The following MAP2K1 variants were observed in gnomAD, a reference collection of about 807,000 sequenced individuals.
MAP2K1 encodes the protein dual specificity mitogen-activated protein kinase kinase 1.
Under a neutral mutation model 46.3 loss-of-function variants are expected in MAP2K1, and 16 were observed. That is an observed-to-expected ratio of 0.35 (90% CI 0.23 to 0.52). MAP2K1 has a LOEUF of 0.52. MAP2K1 is among the 20% of genes least tolerant of loss of function. MAP2K1 has a pLI of 0.94. For missense variants in MAP2K1, 263 were observed against 497.1 expected (o/e 0.53, Z 4.48); for synonymous variants, 183 against 185.6 (o/e 0.99, Z 0.11).
intron 2 of MAP2K1, 118 bp from the exon 3 acceptor site, chr15:66,436,628 C>T: frequency 1.0e-6 from 1 of 1,004,214 alleles, no homozygotes; most frequent in Non-Finnish European, 1.6e-6. Flanking sequence ...TTTGTAACAA[C>T]TTAACCTGTT....
intron 5 of MAP2K1, among the ~76,000 whole-genome samples, chr15:66,453,276 G>A (rs1892083307): frequency 6.6e-6 from 1 of 152,048 alleles, no homozygotes; most frequent in Non-Finnish European, 1.5e-5. Flanking sequence ...TTCTTTTTTG[G>A]CTTCACCAAT....
At chr15:66,412,840 A>G (rs938313668) in intron 1 of MAP2K1, among the ~76,000 whole-genome samples, 7 of 151,924 alleles carry the variant, frequency 4.6e-5, no homozygotes, top group Non-Finnish European at 8.8e-5. Flanking sequence ...CTACAGGCGC[A>G]TGCCACTGTG....
intron 1 of MAP2K1, among the ~76,000 whole-genome samples, chr15:66,418,399 G>T (rs890783129): frequency 6.6e-6 from 1 of 152,156 alleles, no homozygotes; most frequent in African/African-American, 2.4e-5. Context: ...CTGATTGATA[G>T]ACCAGCATGG....
rs2093347011 is a variant in MAP2K1 at position 66,388,123 on chromosome 15, C to T, written c.80+696C>T. Among the ~76,000 whole-genome samples the T allele has an allele frequency of 2.6e-5, 4 of 152,272 alleles. No homozygotes were observed. The Middle Eastern group carries it at 0.01, about 388-fold the overall frequency. On this transcript the variant is annotated intron_variant, in intron 1 of 10. Transcript: ENST00000307102. ...AGCTTTCCGTACTTCACCAGGAGCC[C>T]CTAAACTCCTGACCTGAGGCATGAA...
At chr15:66,454,985 G>T (rs1206767381) in intron 5 of MAP2K1, among the ~76,000 whole-genome samples, 1 of 152,186 alleles carries the variant, frequency 6.6e-6, no homozygotes, top group African/African-American at 2.4e-5. Flanking sequence ...GGCTACTCTA[G>T]TTGGGAGGTT....
intron 1 of MAP2K1, among the ~76,000 whole-genome samples, chr15:66,427,100 AAGGAGTATATAC>A (rs2093461219): frequency 6.6e-6 from 1 of 152,234 alleles, no homozygotes; most frequent in African/African-American, 2.4e-5. Flanking sequence ...AAAGTAACTA[AAGGAGTATATAC>A]AGCTAAGGGC....
intron 1 of MAP2K1, among the ~76,000 whole-genome samples, chr15:66,396,024 T>C (rs2093366707): frequency 1.3e-5 from 2 of 152,128 alleles, no homozygotes; most frequent in Admixed American, 1.3e-4. Flanking sequence ...TGTTTTGTTT[T>C]TGGAGATGAG....
intron 1 of MAP2K1, among the ~76,000 whole-genome samples, chr15:66,400,325 C>G (rs1321886687): frequency 6.6e-6 from 1 of 152,138 alleles, no homozygotes; most frequent in African/African-American, 2.4e-5. Context: ...TGCCCAGACA[C>G]TTTCTCTTTT....
intron 1 of MAP2K1, among the ~76,000 whole-genome samples, chr15:66,404,881 G>C (rs1266769468): frequency 6.6e-6 from 1 of 152,174 alleles, no homozygotes; most frequent in Non-Finnish European, 1.5e-5. Flanking sequence ...TCCTGAGCAA[G>C]TTGCTTTTTT....
chr15:66,400,110 A>G (rs1013445250), intron 1 of MAP2K1, among the ~76,000 whole-genome samples: 2 of 152,172 alleles, frequency 1.3e-5, no homozygotes, highest in East Asian at 1.9e-4. Flanking sequence ...CTGATTCGAT[A>G]TATCATTATT....
At chr15:66,464,601 T>G (rs968056668) in intron 5 of MAP2K1, among the ~76,000 whole-genome samples, 11 of 152,062 alleles carry the variant, frequency 7.2e-5, no homozygotes, top group African/African-American at 2.7e-4. Flanking sequence ...CTTGGCTCAC[T>G]GCAACCTCTG....
At chr15:66,446,759 C>T (rs962832548) in intron 5 of MAP2K1, 4 of 331,942 alleles carry the variant, frequency 1.2e-5, no homozygotes, top group Non-Finnish European at 2.5e-5. Flanking sequence ...GCAAAAATGG[C>T]CTTGCACCAC....
chr15:66,447,831 A>G (rs1318380366), intron 5 of MAP2K1, among the ~76,000 whole-genome samples: 1 of 151,998 alleles, frequency 6.6e-6, no homozygotes, highest in East Asian at 1.9e-4. Context: ...AACTTTTTTC[A>G]TCTTACAGAC....
intron 5 of MAP2K1, among the ~76,000 whole-genome samples, chr15:66,462,496 C>CA (rs551065737): frequency 0.27 from 19,498 of 72,630 alleles, 4,093 homozygotes; most frequent in African/African-American, 0.55. Flanking sequence ...GACTCTGTCT[C>CA]AAAAAAAAAA....
intron 1 of MAP2K1, among the ~76,000 whole-genome samples, chr15:66,393,176 C>T (rs912101234): frequency 2.7e-5 from 4 of 150,360 alleles, no homozygotes; most frequent in African/African-American, 9.7e-5. Context: ...ATCTCTTTCT[C>T]TCTCTCTTTT....
At chr15:66,469,094 A>G (rs1244431777) in intron 5 of MAP2K1, among the ~76,000 whole-genome samples, 1 of 151,736 alleles carries the variant, frequency 6.6e-6, no homozygotes, top group Non-Finnish European at 1.5e-5. Context: ...CGTCTCTACT[A>G]AAAATACAAA....
At chr15:66,396,946 A>C (rs1166601493) in intron 1 of MAP2K1, among the ~76,000 whole-genome samples, 1 of 149,862 alleles carries the variant, frequency 6.7e-6, no homozygotes, top group African/African-American at 2.5e-5. Flanking sequence ...CGGCCTCCCA[A>C]AGTGCTGGGA....
chr15:66,418,835 A>G (rs1016182707), intron 1 of MAP2K1, among the ~76,000 whole-genome samples: 2 of 148,548 alleles, frequency 1.3e-5, no homozygotes, highest in African/African-American at 5.0e-5. Context: ...TTTAGTAGAG[A>G]GAGGGTTTCA....
rs752759395 is a variant in MAP2K1, at chr15:66,435,256, A to G, written c.291+19A>G. 6.2e-7 allele frequency: 1 copy of G among 1,605,142 alleles called. No homozygotes were observed. Among genetic ancestry groups the G allele is most frequent in the Non-Finnish European group, 8.5e-7 (1 of 1,171,874 alleles). Reference sequence around the variant, plus strand: ...CAGAAAGGTGAGTTTGCCTTGATTAACAGGTAATTGGATTATTTCTCAGGG... The same window carrying G: ...CAGAAAGGTGAGTTTGCCTTGATTAGCAGGTAATTGGATTATTTCTCAGGG... On this transcript the variant is annotated intron_variant, in intron 2 of 10. Transcript: ENST00000307102.
Sources: allele counts gnomAD v4.1 joint callset (sites outside exome capture counted in the v4.1 genomes callset), GRCh38; gene constraint gnomAD v4.1.1; transcripts MANE v1.5; gene names NCBI Gene and HGNC (gene_info 2026-07-23, HGNC 2026-07-21).